Variants in TBC1D22A observed in about 807,000 individuals in gnomAD.
TBC1D22A encodes the protein putative GTPase activator.
TBC1D22A carries 38 observed loss-of-function variants against 60.2 expected under a neutral mutation model. The observed-to-expected ratio is 0.63, with a 90% CI of 0.49 to 0.83. The LOEUF is 0.83. TBC1D22A is among the 40% of genes least tolerant of loss of function. The pLI is 0.00. For synonymous variants in TBC1D22A, 302 were observed against 281.7 expected (o/e 1.07, Z -0.72); for missense variants, 628 against 701.0 (o/e 0.90, Z 1.18).
chr22:47,047,143 G>A (rs1346402228), intron 11 of TBC1D22A, among the ~76,000 whole-genome samples: 2 of 152,214 alleles, frequency 1.3e-5, no homozygotes, highest in African/African-American at 4.8e-5. Flanking sequence ...CTTAGTGCGA[G>A]GGTGTGGCGG....
intron 11 of TBC1D22A, among the ~76,000 whole-genome samples, chr22:47,067,589 T>C (rs6519930): frequency 0.47 from 71,803 of 151,974 alleles, 17,663 homozygotes; most frequent in East Asian, 0.59. Flanking sequence ...CTGCTCAGAG[T>C]GGCTGGGCGT....
intron 12 of TBC1D22A, among the ~76,000 whole-genome samples, chr22:47,155,493 G>C (rs1489327475): frequency 2.0e-5 from 3 of 152,216 alleles, no homozygotes; most frequent in Non-Finnish European, 4.4e-5. Flanking sequence ...AGGATGGTCT[G>C]GGAGTGGGAG....
At chr22:46,832,855 C>T (rs1370704324) in intron 4 of TBC1D22A, among the ~76,000 whole-genome samples, 6 of 152,158 alleles carry the variant, frequency 3.9e-5, no homozygotes, top group African/African-American at 1.4e-4. Context: ...CGCTTTCTGT[C>T]ACCTGGCTTC....
At chr22:47,069,713 G>GT (rs11387415) in intron 11 of TBC1D22A, among the ~76,000 whole-genome samples, 4,749 of 59,718 alleles carry the variant, frequency 0.08, 883 homozygotes, top group East Asian at 0.17. Context: ...TGACCTGACG[G>GT]TCCTGGCTGT....
At chr22:46,981,765 C>G (rs1054621357) in intron 9 of TBC1D22A, among the ~76,000 whole-genome samples, 4 of 152,160 alleles carry the variant, frequency 2.6e-5, no homozygotes, top group South Asian at 2.1e-4. Context: ...TGCCCAGTCT[C>G]GGGCAGTTCT....
At chr22:46,963,345 T>G (rs1157792311) in intron 8 of TBC1D22A, among the ~76,000 whole-genome samples, 2 of 151,852 alleles carry the variant, frequency 1.3e-5, no homozygotes, top group African/African-American at 2.4e-5. Context: ...CCCGCAGTGC[T>G]CATCACACTG....
chr22:47,036,868 CT>C (rs1343282423), intron 10 of TBC1D22A, among the ~76,000 whole-genome samples: 1 of 152,250 alleles, frequency 6.6e-6, no homozygotes, highest in Non-Finnish European at 1.5e-5. Flanking sequence ...GCACCACCAT[CT>C]TTCGCTTTCC....
At chr22:47,044,456 T>A (rs2062965409) in intron 11 of TBC1D22A, among the ~76,000 whole-genome samples, 2 of 152,218 alleles carry the variant, frequency 1.3e-5, no homozygotes, top group South Asian at 4.1e-4. Context: ...CTGCCTCGTG[T>A]GCCAGGCGAC....
chr22:46,863,426 A>G (rs936800324), intron 4 of TBC1D22A, among the ~76,000 whole-genome samples: 1 of 152,150 alleles, frequency 6.6e-6, no homozygotes, highest in Non-Finnish European at 1.5e-5. Context: ...CTAATTCCCA[A>G]TTGACCAAGG....
intron 10 of TBC1D22A, among the ~76,000 whole-genome samples, chr22:47,002,677 G>A (rs1225582890): frequency 6.6e-6 from 1 of 152,208 alleles, no homozygotes; most frequent in Non-Finnish European, 1.5e-5. Flanking sequence ...GGCACTAAAA[G>A]GGAGGCTCTT....
At chr22:46,799,533 A>G (rs2084807520) in intron 4 of TBC1D22A, among the ~76,000 whole-genome samples, 1 of 152,244 alleles carries the variant, frequency 6.6e-6, no homozygotes, top group Non-Finnish European at 1.5e-5. Flanking sequence ...TCCACAGTCC[A>G]TAGTCACATT....
At chr22:47,103,902 G>A (rs1165133963) in intron 11 of TBC1D22A, among the ~76,000 whole-genome samples, 1 of 152,068 alleles carries the variant, frequency 6.6e-6, no homozygotes, top group African/African-American at 2.4e-5. Flanking sequence ...CTGACTTTGG[G>A]ATAACATTAT....
At chr22:46,842,391 T>G (rs909042185) in intron 4 of TBC1D22A, among the ~76,000 whole-genome samples, 1 of 152,204 alleles carries the variant, frequency 6.6e-6, no homozygotes, top group African/African-American at 2.4e-5. Flanking sequence ...GCTGAAAGAC[T>G]TGTCATGGCC....
chr22:47,010,312 C>A (rs190318807), intron 10 of TBC1D22A, among the ~76,000 whole-genome samples: 1 of 152,014 alleles, frequency 6.6e-6, no homozygotes, highest in Non-Finnish European at 1.5e-5. Flanking sequence ...GCAGCCAGGC[C>A]GGGGAACAGG....
At chr22:46,864,027 C>A (rs567913337) in intron 4 of TBC1D22A, among the ~76,000 whole-genome samples, 74 of 152,312 alleles carry the variant, frequency 4.9e-4, no homozygotes, top group African/African-American at 1.7e-3. Flanking sequence ...CCTAGGGGTT[C>A]AGCACAGCAC....
chr22:47,113,940 T>C (rs1177322389), intron 12 of TBC1D22A, among the ~76,000 whole-genome samples: 1 of 152,116 alleles, frequency 6.6e-6, no homozygotes, highest in Non-Finnish European at 1.5e-5. Context: ...TACCACCCTG[T>C]CATGTGGTGG....
intron 1 of TBC1D22A, among the ~76,000 whole-genome samples, chr22:46,780,718 C>G (rs764734304): frequency 6.6e-5 from 10 of 152,234 alleles, no homozygotes; most frequent in Non-Finnish European, 1.2e-4. Context: ...CGCTTGTTCA[C>G]TGTCAGCTTT....
intron 5 of TBC1D22A, among the ~76,000 whole-genome samples, chr22:46,890,953 G>T (rs1449747830): frequency 6.6e-6 from 1 of 152,186 alleles, no homozygotes; most frequent in African/African-American, 2.4e-5. Flanking sequence ...TGTTGTAGAA[G>T]AGCCTTGGGC....
chr22:47,099,191 C>A (rs2065310981), intron 11 of TBC1D22A, among the ~76,000 whole-genome samples: 1 of 152,156 alleles, frequency 6.6e-6, no homozygotes. Context: ...CTCTTCAGAG[C>A]CTTAGATGGC....
Sources: gnomAD v4.1 joint callset for allele counts (sites outside exome capture counted in the v4.1 genomes callset) on GRCh38, gnomAD v4.1.1 for gene constraint, MANE v1.5 for transcripts, NCBI Gene and HGNC (gene_info 2026-07-23, HGNC 2026-07-21) for gene names.